Variants in TSNARE1 observed in about 807,000 individuals in gnomAD.
TSNARE1 encodes t-SNARE domain containing 1.
In TSNARE1, 49 loss-of-function variants were observed where a neutral mutation model predicts 62.0. The observed-to-expected ratio is 0.79, with a 90% CI of 0.63 to 1.00. TSNARE1 has a LOEUF of 1.00. Among genes scored for constraint, TSNARE1 ranks in the 50% least tolerant of loss-of-function variants. The pLI, the probability that TSNARE1 is intolerant of heterozygous loss-of-function variation, is 0.00. For missense variants in TSNARE1, 755 were observed against 700.1 expected (o/e 1.08, Z -0.88); for synonymous variants, 328 against 294.4 (o/e 1.11, Z -1.17).
rs1233117057 is a variant in TSNARE1 at position 142,223,492 on chromosome 8, T to C, written c.*11+5981A>G. Among the ~76,000 whole-genome samples, 2 of 149,636 alleles carry C rather than the reference T, an allele frequency of 1.3e-5. 1 individual carries two copies. Among genetic ancestry groups the C allele is most frequent in the African/African-American group, 5.0e-5 (2 of 40,362 alleles). On this transcript the variant is annotated intron_variant, in intron 13 of 13. Transcript: ENST00000524325. ...TTCACTAACTCATCCACTCACTCAT[T>C]CACTCACTCACTCATTTATCCACTC...
chr8:142,333,069 C>T (rs1182497707), intron 4 of TSNARE1, among the ~76,000 whole-genome samples: 1 of 152,206 alleles, frequency 6.6e-6, no homozygotes, highest in Non-Finnish European at 1.5e-5. Flanking sequence ...AGGCAATCCC[C>T]GGGGCCTCTG....
At chr8:142,276,801 G>A (rs1368419411) in intron 11 of TSNARE1, 27 of 985,268 alleles carry the variant, frequency 2.7e-5, no homozygotes, top group Admixed American at 6.2e-5. Context: ...TGCATGCACC[G>A]GCCACAGACC....
chr8:142,304,869 T>C (rs547913230), intron 9 of TSNARE1, among the ~76,000 whole-genome samples: 3 of 152,188 alleles, frequency 2.0e-5, no homozygotes, highest in East Asian at 3.9e-4. Flanking sequence ...GAGAGCGGCA[T>C]GACGGTTGAG....
At chr8:142,280,446 C>T (rs1411440126) in intron 11 of TSNARE1, 3 of 445,908 alleles carry the variant, frequency 6.7e-6, no homozygotes, top group Non-Finnish European at 8.9e-6. Flanking sequence ...CATCGGCACC[C>T]AGCATAGGCA....
chr8:142,252,323 C>A (rs554980352), intron 12 of TSNARE1, among the ~76,000 whole-genome samples: 1 of 152,224 alleles, frequency 6.6e-6, no homozygotes, highest in Non-Finnish European at 1.5e-5. Context: ...CGGGCCCCCC[C>A]GGTACCAGGG....
At chr8:142,255,821 T>TCAC (rs1462819039) in intron 12 of TSNARE1, among the ~76,000 whole-genome samples, 3 of 9,520 alleles carry the variant, frequency 3.2e-4, no homozygotes, top group Admixed American at 1.3e-3. Flanking sequence ...ACTGTCACCA[T>TCAC]CACCACCACC....
chr8:142,384,734 G>A (rs567356955), intron 1 of TSNARE1, among the ~76,000 whole-genome samples: 1 of 152,056 alleles, frequency 6.6e-6, no homozygotes, highest in African/African-American at 2.4e-5. Context: ...ACTCTTACAA[G>A]AAAACATAAA....
chr8:142,379,955 T>C (rs1408984801), intron 1 of TSNARE1, among the ~76,000 whole-genome samples: 3 of 149,918 alleles, frequency 2.0e-5, no homozygotes, highest in African/African-American at 7.2e-5. Flanking sequence ...AAGGGCCTTC[T>C]TGTGCCGCTG....
At chr8:142,310,543 T>C (rs1345164202) in intron 9 of TSNARE1, among the ~76,000 whole-genome samples, 1 of 151,390 alleles carries the variant, frequency 6.6e-6, no homozygotes, top group Non-Finnish European at 1.5e-5. Flanking sequence ...TCTCTCATTT[T>C]TGTGCCTCTA....
chr8:142,321,072 C>T (rs981585411), intron 6 of TSNARE1, among the ~76,000 whole-genome samples: 5 of 152,168 alleles, frequency 3.3e-5, no homozygotes, highest in African/African-American at 1.2e-4. Context: ...CATCAGATCA[C>T]CCTGCCAAGT....
chr8:142,225,719 G>A (rs942560888), intron 13 of TSNARE1, among the ~76,000 whole-genome samples: 1 of 152,262 alleles, frequency 6.6e-6, no homozygotes, highest in African/African-American at 2.4e-5. Context: ...CATGGCCCGT[G>A]ATGAGGCCAA....
At chr8:142,299,882 T>C (rs1487889950) in intron 10 of TSNARE1, among the ~76,000 whole-genome samples, 1 of 152,236 alleles carries the variant, frequency 6.6e-6, no homozygotes. Flanking sequence ...GCAGCAGGTA[T>C]TATACATGTG....
rs759046204 is a variant in TSNARE1 at position 142,345,771 on chromosome 8, C to T, written c.210G>A (p.Thr70=). Residue 70 remains threonine (T), a synonymous_variant, in exon 3 of 14, where the codon ACG becomes ACA. Transcript: ENST00000524325. The stretch of plus-strand genomic sequence containing the variant: ...GCTTCCTGGCCCTTGGGACAATAGG[C>T]GTGCCTGCTGGCCCCAGATCACCTT... ...DGEGDLGPAG[T]PIVPRARKRG... The T allele has an allele frequency of 4.3e-6, 7 of 1,612,758 alleles. No individual in the cohort carries two copies. In the East Asian group the frequency reaches 8.9e-5, roughly 21 times the overall value.
intron 2 of TSNARE1, 71 bp from the exon 3 acceptor site, chr8:142,345,963 C>CATTTTTTGATGAT: frequency 6.5e-7 from 1 of 1,547,254 alleles, no homozygotes; most frequent in Non-Finnish European, 8.8e-7. Context: ...GGCCCCCATG[C>CATTTTTTGATGAT]ACGGACAGCA....
intron 12 of TSNARE1, among the ~76,000 whole-genome samples, chr8:142,232,063 G>A (rs1033845656): frequency 2.0e-5 from 3 of 152,266 alleles, no homozygotes; most frequent in Admixed American, 6.5e-5. Context: ...TCCACTTCCA[G>A]GCCTGTGCTC....
chr8:142,261,080 AAAGGAGGAAGGAGG>A (rs1818858244), intron 12 of TSNARE1, among the ~76,000 whole-genome samples: 1 of 5,246 alleles, frequency 1.9e-4, no homozygotes, highest in Non-Finnish European at 3.9e-4. Context: ...AGGAGAGAGG[AAAGGAGGAAGGAGG>A]GAAGAGAGGG....
chr8:142,332,492 C>T (rs1433707067), intron 4 of TSNARE1, among the ~76,000 whole-genome samples: 2 of 152,044 alleles, frequency 1.3e-5, no homozygotes, highest in Non-Finnish European at 2.9e-5. Context: ...TTATAGAATG[C>T]TGAATATTCT....
In TSNARE1 at chr8:142,344,224, C is replaced by T. The variant is rs759984044; in HGVS notation, c.487G>A (p.Val163Met). Residue 163 changes from valine (V) to methionine (M), a missense_variant, in exon 4 of 14, where the codon GTG becomes ATG. Transcript: ENST00000524325. ...ACGGCCTGCAGGATGCGGCTCCACA[C>T]GCGGTACCTGCGAGTGGGCTCGGCC... is the stretch of plus-strand genomic sequence containing the variant. ...LKAEPTRRYR[V>M]WSRILQAVNA... 12 of 1,613,480 alleles carry T rather than the reference C, an allele frequency of 7.4e-6. No individual in the cohort carries two copies. The highest frequency in any genetic ancestry group is 4.5e-5 in the East Asian group (2 of 44,870).
intron 1 of TSNARE1, among the ~76,000 whole-genome samples, chr8:142,375,285 G>C (rs1484697990): frequency 6.6e-6 from 1 of 152,264 alleles, no homozygotes; most frequent in Non-Finnish European, 1.5e-5. Context: ...GAGGACAGGG[G>C]TGCACACCCA....
Sources: gnomAD v4.1 joint callset for allele counts (sites outside exome capture counted in the v4.1 genomes callset) on GRCh38, gnomAD v4.1.1 for gene constraint, MANE v1.5 for transcripts, NCBI Gene and HGNC (gene_info 2026-07-23, HGNC 2026-07-21) for gene names.